GOLGB1: variants seen among roughly 807,000 people sequenced by gnomAD.
GOLGB1 encodes golgin subfamily B member 1.
Under a neutral mutation model 336.9 loss-of-function variants are expected in GOLGB1, and 174 were observed. That is an observed-to-expected ratio of 0.52 (90% CI 0.46 to 0.59). The LOEUF (loss-of-function observed/expected upper bound fraction) is 0.59, where lower values mean the gene tolerates loss of function less well. GOLGB1 is among the 20% of genes least tolerant of loss of function. GOLGB1 has a pLI of 0.00. For synonymous variants in GOLGB1, 1,208 were observed against 1,289.2 expected, an observed-to-expected ratio of 0.94 and a Z score of 1.35; for missense variants, 3,331 against 3,645.3, an observed-to-expected ratio of 0.91 and a Z score of 2.22.
At chr3:121,724,093 C>T (rs989027845) in intron 5 of GOLGB1, among the ~76,000 whole-genome samples, 2 of 151,782 alleles carry the variant, frequency 1.3e-5, no homozygotes, top group African/African-American at 2.4e-5. Flanking sequence ...GTGGGGTCAT[C>T]GTTGATAATG....
Position 121,718,371 on chromosome 3 carries a change from A to C in GOLGB1, c.885+17T>G. On this transcript the variant is annotated intron_variant, in intron 8 of 21. Transcript: ENST00000614479. ...GAATACCCTCCAAGGCAGGAAGTAAAGATTAAAAGGCAGTACCTGGTTTCT... is the reference window on the plus strand; with the variant it reads ...GAATACCCTCCAAGGCAGGAAGTAACGATTAAAAGGCAGTACCTGGTTTCT... 1.3e-6 allele frequency: 2 copies of C among 1,518,078 alleles called. No individual in the cohort carries two copies. The highest frequency in any genetic ancestry group is 1.8e-6 in the Non-Finnish European group (2 of 1,094,688). The allele number at this position is 1,518,078 out of a possible 1,614,324, so 94.0% of individuals were successfully genotyped here. A position where few individuals can be genotyped will look rare whatever the true frequency, so the allele number is the denominator to read the frequency against.
chr3:121,701,209 G>A (rs758739662), intron 11 of GOLGB1, among the ~76,000 whole-genome samples: 13 of 152,148 alleles, frequency 8.5e-5, no homozygotes, highest in Non-Finnish European at 1.8e-4. Context: ...AGTGATCCCT[G>A]CAGGAAAGAG....
chr3:121,720,066 G>C (rs1945080490), intron 6 of GOLGB1, among the ~76,000 whole-genome samples: 1 of 152,110 alleles, frequency 6.6e-6, no homozygotes, highest in African/African-American at 2.4e-5. Flanking sequence ...ATTTTTTAAA[G>C]TTCTAAAAAG....
intron 14 of GOLGB1, among the ~76,000 whole-genome samples, chr3:121,685,896 AG>A (rs1941675207): frequency 6.6e-6 from 1 of 152,186 alleles, no homozygotes. Flanking sequence ...TTTTGATTTA[AG>A]GTAAAAACAT....
intron 1 of GOLGB1, among the ~76,000 whole-genome samples, chr3:121,745,383 T>C (rs1168256617): frequency 1.1e-5 from 1 of 88,038 alleles, no homozygotes; most frequent in African/African-American, 4.9e-5. Flanking sequence ...CGTGTATGTA[T>C]ATATACATAT....
intron 14 of GOLGB1, 114 bp from the exon 15 acceptor site, chr3:121,681,979 A>G: frequency 1.4e-6 from 1 of 695,824 alleles, no homozygotes. Flanking sequence ...ACCAGCACCT[A>G]ACAGTCCACT....
chr3:121,696,670 A>C lies in GOLGB1; in HGVS notation c.3853T>G (p.Leu1285Val), dbSNP rs771773367. 70 of 1,614,118 alleles carry C rather than the reference A, an allele frequency of 4.3e-5. 1 individual carries two copies. In the South Asian group the frequency reaches 6.9e-4, roughly 16 times the overall value. ...ATEQHHTQPV[L>V]ESNLCPDWPS... ...CAGTCTGGGCACAAGTTGGACTCTAAAACAGGTTGAGTGTGATGCTGTTCT... is the reference window on the plus strand; with the variant it reads ...CAGTCTGGGCACAAGTTGGACTCTACAACAGGTTGAGTGTGATGCTGTTCT... Residue 1285 changes from leucine to valine, a missense_variant, in exon 13 of 22, where the codon TTA becomes GTA. Leu to Val is a conservative substitution (Grantham distance 32). Transcript: ENST00000614479.
At chr3:121,719,950 C>A (rs995784353) in intron 6 of GOLGB1, among the ~76,000 whole-genome samples, 182 bp from the exon 7 acceptor site, 1 of 152,000 alleles carries the variant, frequency 6.6e-6, no homozygotes, top group Admixed American at 6.6e-5. Context: ...CTATGAAATG[C>A]GAGAGAAAGC....
chr3:121,710,676 C>CAATA (rs963096804), intron 10 of GOLGB1, among the ~76,000 whole-genome samples: 10 of 151,656 alleles, frequency 6.6e-5, no homozygotes, highest in Admixed American at 2.0e-4. Flanking sequence ...CCATTTCCAC[C>CAATA]AATAAATAAA....
intron 5 of GOLGB1, among the ~76,000 whole-genome samples, chr3:121,722,608 A>C (rs2108199658): frequency 6.6e-6 from 1 of 152,348 alleles, no homozygotes; most frequent in Admixed American, 6.5e-5. Context: ...ACATAGAGAC[A>C]GCACAAGATA....
At chr3:121,716,593 G>A (rs1420394706) in intron 9 of GOLGB1, 144 bp downstream of exon 9, 12 of 589,808 alleles carry the variant, frequency 2.0e-5, no homozygotes, top group East Asian at 2.0e-4. Context: ...AATGCATCAA[G>A]AAGTTCAGAA....
Position 121,743,859 on chromosome 3 carries a change from GACA to G in GOLGB1, c.-3+5770_-3+5772del, listed in dbSNP as rs150704932. Among the ~76,000 whole-genome samples, 558 of 152,032 alleles carry G rather than the reference GACA, an allele frequency of 3.7e-3. 3 individuals carry two copies. Among genetic ancestry groups the G allele is most frequent in the African/African-American group, 0.013 (530 of 41,484 alleles). On this transcript the variant is annotated intron_variant, in intron 1 of 21. Transcript: ENST00000614479. ...AAACCATCTCCCTATGAATACTGAT[GACA>G]ACATTCTAATAAATTTTAATTAGAA...
chr3:121,728,673 ATAAACC>A (rs972878092), intron 4 of GOLGB1, among the ~76,000 whole-genome samples: 1 of 152,232 alleles, frequency 6.6e-6, no homozygotes, highest in Non-Finnish European at 1.5e-5. Flanking sequence ...GGCTGCAGTC[ATAAACC>A]TAGTGAGCCT....
chr3:121,708,820 G>C (rs1025901363), intron 10 of GOLGB1, among the ~76,000 whole-genome samples: 3 of 151,872 alleles, frequency 2.0e-5, no homozygotes, highest in Non-Finnish European at 4.4e-5. Context: ...AAAAGAAGAA[G>C]GGAAAACAGA....
intron 14 of GOLGB1, 72 bp downstream of exon 14, chr3:121,690,598 T>C (rs911461091): frequency 1.3e-6 from 1 of 758,542 alleles, no homozygotes; most frequent in Non-Finnish European, 2.0e-6. Flanking sequence ...TTTATCCTTT[T>C]CTATAAAAAT....
chr3:121,747,345 ATATG>A (rs556447412), intron 1 of GOLGB1, among the ~76,000 whole-genome samples: 40 of 145,352 alleles, frequency 2.8e-4, no homozygotes, highest in African/African-American at 9.3e-4. Context: ...ATATGTATAT[ATATG>A]TGTATATACG....
At chr3:121,683,505 G>A (rs1275011737) in intron 14 of GOLGB1, among the ~76,000 whole-genome samples, 1 of 151,952 alleles carries the variant, frequency 6.6e-6, no homozygotes, top group Non-Finnish European at 1.5e-5. Flanking sequence ...CTGAGATAAG[G>A]GCTACCAATA....
chr3:121,736,136 A>G (rs1347646624), intron 1 of GOLGB1, among the ~76,000 whole-genome samples: 1 of 152,214 alleles, frequency 6.6e-6, no homozygotes, highest in African/African-American at 2.4e-5. Context: ...TAAATCATTA[A>G]ATAAATTAAT....
intron 20 of GOLGB1, among the ~76,000 whole-genome samples, chr3:121,666,190 T>A (rs944988444): frequency 1.3e-5 from 2 of 152,170 alleles, no homozygotes; most frequent in Non-Finnish European, 2.9e-5. Context: ...TTAGAGTACA[T>A]GTGAGATTCT....
Sources: allele counts gnomAD v4.1 joint callset (sites outside exome capture counted in the v4.1 genomes callset), GRCh38; gene constraint gnomAD v4.1.1; transcripts MANE v1.5; gene names NCBI Gene and HGNC (gene_info 2026-07-23, HGNC 2026-07-21).